Variants in MAPK10 observed in about 807,000 individuals in gnomAD.
The protein encoded by MAPK10 is mitogen-activated protein kinase 10.
MAPK10 carries 25 observed loss-of-function variants against 59.3 expected under a neutral mutation model. The ratio of observed to expected loss-of-function variants is 0.42; its 90% confidence interval spans 0.31 to 0.59. The LOEUF (loss-of-function observed/expected upper bound fraction) is 0.59. Among genes scored for constraint, MAPK10 ranks in the 20% least tolerant of loss-of-function variants. MAPK10 has a pLI of 0.15. For missense variants in MAPK10, 351 were observed against 568.9 expected, an observed-to-expected ratio of 0.62 and a Z score of 3.90; for synonymous variants, 190 against 200.5, an observed-to-expected ratio of 0.95 and a Z score of 0.44.
intron 2 of MAPK10, among the ~76,000 whole-genome samples, chr4:86,251,189 T>C (rs2148712508): frequency 6.6e-6 from 1 of 152,162 alleles, no homozygotes; most frequent in South Asian, 2.1e-4. Flanking sequence ...ATTTTTTTAA[T>C]TATACTTTAA....
At chr4:86,462,395 G>A (rs1436917276) in intron 1 of MAPK10, among the ~76,000 whole-genome samples, 1 of 152,172 alleles carries the variant, frequency 6.6e-6, no homozygotes, top group Non-Finnish European at 1.5e-5. Flanking sequence ...GGGGAAAAGT[G>A]AAATTAAATG....
rs139880435 is a variant in MAPK10 at position 86,397,794 on chromosome 4, A to C, written c.-121-43150T>G. On this transcript the variant is annotated intron_variant, in intron 1 of 13. Coordinates refer to the MAPK10 transcript ENST00000361569. The stretch of plus-strand genomic sequence containing the variant: ...GATATCCAATGATAAGGAAAGATGG[A>C]ACTAGTTTGTGATTTCAGTTTTCCA... Among the ~76,000 whole-genome samples the C allele has an allele frequency of 3.3e-5, 5 of 151,114 alleles. No homozygotes were observed. The East Asian group carries it at 7.8e-4, about 24-fold the overall frequency.
rs116517322 is a variant in MAPK10, at chr4:86,346,553, T to A, written c.-7+7977A>T. On this transcript the variant is annotated intron_variant, in intron 2 of 13. Coordinates refer to ENST00000641462, the MANE Select transcript of MAPK10 (RefSeq NM_138982.4). ...CTGCAGACACAAAGGGCTAACTATA[T>A]TAGTCTGAAACTCACAAAAGATGAA... 9.9e-3 allele frequency among the ~76,000 whole-genome samples: 1,514 copies of A among 152,232 alleles called. 10 individuals are homozygous for A. Among genetic ancestry groups the A allele is most frequent in the Middle Eastern group, 0.02 (6 of 294 alleles).
intron 1 of MAPK10, among the ~76,000 whole-genome samples, chr4:86,526,067 G>GTGA (rs1757453957): frequency 6.6e-6 from 1 of 152,154 alleles, no homozygotes; most frequent in South Asian, 2.1e-4. Context: ...TGGTATCAGG[G>GTGA]TGATGCTGGC....
intron 1 of MAPK10, among the ~76,000 whole-genome samples, chr4:86,505,720 A>G (rs1452144252): frequency 6.6e-6 from 1 of 152,158 alleles, no homozygotes; most frequent in Non-Finnish European, 1.5e-5. Flanking sequence ...TAGACTAGGA[A>G]CAGAAGAGAT....
chr4:86,152,208 GTGAAATCA>G (rs1356573642), intron 4 of MAPK10: 3 of 152,176 alleles, frequency 2.0e-5, no homozygotes, highest in African/African-American at 7.2e-5. Flanking sequence ...TGGATTGAGA[GTGAAATCA>G]TGATTTTATT....
At chr4:86,329,064 G>A (rs748795034) in intron 2 of MAPK10, among the ~76,000 whole-genome samples, 1 of 152,068 alleles carries the variant, frequency 6.6e-6, no homozygotes, top group African/African-American at 2.4e-5. Context: ...CACCTAGCTT[G>A]CCCTTCTACC....
At chr4:86,040,126 A>C (rs2041207249) in intron 11 of MAPK10, among the ~76,000 whole-genome samples, 1 of 152,214 alleles carries the variant, frequency 6.6e-6, no homozygotes, top group Admixed American at 6.5e-5. Context: ...GAGGTGACAT[A>C]AACCACCAAA....
intron 1 of MAPK10, among the ~76,000 whole-genome samples, chr4:86,534,997 G>A (rs910566688): frequency 6.6e-6 from 1 of 152,086 alleles, no homozygotes; most frequent in African/African-American, 2.4e-5. Flanking sequence ...TCATCTTTAG[G>A]AGCAAAGGAT....
chr4:86,061,502 C>T (rs1561149753), intron 11 of MAPK10, among the ~76,000 whole-genome samples: 1 of 152,098 alleles, frequency 6.6e-6, no homozygotes, highest in African/African-American at 2.4e-5. Context: ...TTTTCTAACT[C>T]ATGTGTACAT....
chr4:86,454,652 G>C (rs1300661287), upstream of MAPK10, among the ~76,000 whole-genome samples: 2 of 152,114 alleles, frequency 1.3e-5, no homozygotes, highest in Non-Finnish European at 2.9e-5. Flanking sequence ...CCAAACCTAA[G>C]AATAATGGTG....
intron 3 of MAPK10, among the ~76,000 whole-genome samples, chr4:86,172,891 T>C (rs1381717086): frequency 6.6e-6 from 1 of 151,882 alleles, no homozygotes; most frequent in African/African-American, 2.4e-5. Flanking sequence ...ATAAAATGCC[T>C]AGGAATACAG....
At chr4:86,408,881 G>A (rs1030165140) in intron 1 of MAPK10, among the ~76,000 whole-genome samples, 1 of 152,096 alleles carries the variant, frequency 6.6e-6, no homozygotes, top group Non-Finnish European at 1.5e-5. Context: ...AGTTTCTTTT[G>A]CTGTGCAGAA....
intron 9 of MAPK10, among the ~76,000 whole-genome samples, chr4:86,075,059 A>G (rs1365805948): frequency 6.7e-6 from 1 of 149,232 alleles, no homozygotes; most frequent in Non-Finnish European, 1.5e-5. Context: ...GTCTTTTCAT[A>G]TAGTCCCATA....
chr4:86,574,177 C>T (rs28818817), intron 1 of MAPK10, among the ~76,000 whole-genome samples: 47,219 of 148,976 alleles, frequency 0.32, 7,645 homozygotes, highest in Admixed American at 0.36. Context: ...GTCCTTGCGA[C>T]AGTTTACTGA....
chr4:86,073,231 G>A lies in MAPK10; in HGVS notation c.803-5276C>T, dbSNP rs1161714991. Among the ~76,000 whole-genome samples, 11 of 138,362 alleles carry A rather than the reference G, an allele frequency of 8.0e-5. No homozygotes were observed. The East Asian group carries it at 2.0e-3, about 25-fold the overall frequency. 90.8% of individuals were successfully genotyped at this position (138,362 alleles called of 152,430 possible). ...GGTAGTTTGTATTTCTGTGGGATCG[G>A]TGGTGATATCCCCTTTATCATTTTT... On this transcript the variant is annotated intron_variant, in intron 9 of 13. Transcript: ENST00000641462.
intron 3 of MAPK10, among the ~76,000 whole-genome samples, chr4:86,188,761 G>A (rs1425134540): frequency 6.6e-6 from 1 of 152,058 alleles, no homozygotes; most frequent in Non-Finnish European, 1.5e-5. Context: ...GATCCCATTT[G>A]TCAATTTTGG....
rs149212097 is a variant in MAPK10 at position 86,539,771 on chromosome 4, A to G, written c.-263+54139T>C. 2.0e-4 allele frequency among the ~76,000 whole-genome samples: 30 copies of G among 152,336 alleles called. No homozygotes were observed. In the East Asian group the frequency reaches 5.6e-3, roughly 28 times the overall value. ...AATATTTTCAAATTTTAACTTTCTG[A>G]TCCAATAACTGTCCCACTAAAATGC... is the stretch of plus-strand genomic sequence containing the variant. On this transcript the variant is annotated intron_variant, in intron 1 of 4. Transcript: ENST00000502302.
chr4:86,403,219 C>G (rs769708405), intron 1 of MAPK10, among the ~76,000 whole-genome samples: 4 of 152,074 alleles, frequency 2.6e-5, no homozygotes, highest in Admixed American at 1.3e-4. Context: ...TTTCACACTA[C>G]TATAAAGAAA....
Sources: gnomAD v4.1 joint callset for allele counts (sites outside exome capture counted in the v4.1 genomes callset) on GRCh38, gnomAD v4.1.1 for gene constraint, MANE v1.5 for transcripts, NCBI Gene and HGNC (gene_info 2026-07-23, HGNC 2026-07-21) for gene names.